SSH2: variants seen among roughly 807,000 people sequenced by gnomAD.
The protein encoded by SSH2 is slingshot protein phosphatase 2, also known as protein phosphatase Slingshot homolog 2.
In SSH2, 37 loss-of-function variants were observed where a neutral mutation model predicts 135.2. The observed-to-expected ratio is 0.27, with a 90% CI of 0.21 to 0.36. The LOEUF (loss-of-function observed/expected upper bound fraction) is 0.36, where lower values mean the gene tolerates loss of function less well. Among genes scored for constraint, SSH2 ranks in the 10% least tolerant of loss-of-function variants. SSH2 has a pLI of 1.00. For missense variants in SSH2, 1,408 were observed against 1,765.3 expected, an observed-to-expected ratio of 0.80 and a Z score of 3.63; for synonymous variants, 628 against 646.2, an observed-to-expected ratio of 0.97 and a Z score of 0.43.
intron 2 of SSH2, among the ~76,000 whole-genome samples, chr17:29,832,754 TC>T (rs538669389): frequency 7.5e-4 from 114 of 152,144 alleles, no homozygotes; most frequent in Non-Finnish European, 1.3e-3. Context: ...CACTGCAACT[TC>T]CCCCAGGTTC....
intron 3 of SSH2, among the ~76,000 whole-genome samples, chr17:29,759,093 A>G (rs1018649140): frequency 6.6e-6 from 1 of 152,050 alleles, no homozygotes; most frequent in Non-Finnish European, 1.5e-5. Flanking sequence ...TCTGTCACCC[A>G]GGCTGGAGTG....
intron 12 of SSH2, among the ~76,000 whole-genome samples, chr17:29,654,773 A>T: frequency 6.6e-6 from 1 of 152,190 alleles, no homozygotes; most frequent in East Asian, 1.9e-4. Flanking sequence ...TCTTAATATA[A>T]GATAGGTCCT....
chr17:29,649,473 C>T (rs2036509420), intron 13 of SSH2, among the ~76,000 whole-genome samples: 2 of 152,038 alleles, frequency 1.3e-5, no homozygotes, highest in African/African-American at 4.8e-5. Flanking sequence ...GCCTCAACCT[C>T]ATGGGCTCAA....
At chr17:29,648,474 T>G in intron 13 of SSH2, 130 bp from the exon 14 acceptor site, 2 of 696,560 alleles carry the variant, frequency 2.9e-6, no homozygotes, top group Non-Finnish European at 4.7e-6. Flanking sequence ...TCTCTCCACT[T>G]TGGTACACTC....
At chr17:29,642,727 C>T (rs973225866) in intron 14 of SSH2, among the ~76,000 whole-genome samples, 3 of 152,172 alleles carry the variant, frequency 2.0e-5, no homozygotes, top group African/African-American at 7.2e-5. Flanking sequence ...TAATGATATA[C>T]TGGGAGGTGC....
At chr17:29,817,621 CAG>C (rs1409858332) in intron 2 of SSH2, among the ~76,000 whole-genome samples, 3 of 152,156 alleles carry the variant, frequency 2.0e-5, no homozygotes, top group African/African-American at 7.2e-5. Context: ...ATTAGTAATA[CAG>C]AGTCATCCCT....
At chr17:29,914,263 C>T (rs1281027834) in intron 1 of SSH2, among the ~76,000 whole-genome samples, 2 of 152,086 alleles carry the variant, frequency 1.3e-5, no homozygotes, top group Admixed American at 1.3e-4. Flanking sequence ...ATCTCGACTG[C>T]CAAAAGACTA....
intron 11 of SSH2, among the ~76,000 whole-genome samples, chr17:29,665,771 A>C: frequency 6.6e-6 from 1 of 152,354 alleles, no homozygotes; most frequent in Non-Finnish European, 1.5e-5. Context: ...AGAAAAATAG[A>C]CTTTAGAAGC....
intron 3 of SSH2, among the ~76,000 whole-genome samples, chr17:29,746,640 T>TAACATTAAGAGA (rs1257742256): frequency 6.6e-6 from 1 of 151,332 alleles, no homozygotes; most frequent in Non-Finnish European, 1.5e-5. Context: ...CTGTGTATAT[T>TAACATTAAGAGA]AACATTAAGA....
At chr17:29,889,550 GAAC>G (rs1371178797) in intron 1 of SSH2, among the ~76,000 whole-genome samples, 2 of 151,842 alleles carry the variant, frequency 1.3e-5, no homozygotes, top group African/African-American at 2.4e-5. Context: ...CCAAAAGCAT[GAAC>G]AACAACAACA....
At chr17:29,883,406 C>T (rs1235765320) in intron 1 of SSH2, among the ~76,000 whole-genome samples, 2 of 152,086 alleles carry the variant, frequency 1.3e-5, no homozygotes, top group Non-Finnish European at 2.9e-5. Context: ...ACACATTATC[C>T]TATCGTGTTT....
chr17:29,666,419 A>T (rs1186997938), intron 11 of SSH2, among the ~76,000 whole-genome samples: 1 of 152,098 alleles, frequency 6.6e-6, no homozygotes, highest in Non-Finnish European at 1.5e-5. Context: ...ATGGTGGCTC[A>T]TGCTTATAAT....
intron 1 of SSH2, among the ~76,000 whole-genome samples, chr17:29,870,579 T>C (rs1184274244): frequency 6.6e-6 from 1 of 152,216 alleles, no homozygotes; most frequent in Non-Finnish European, 1.5e-5. Flanking sequence ...TTTAGCCTTT[T>C]AGCAGTAAGC....
At chr17:29,662,428 C>T (rs2037087650) in intron 11 of SSH2, among the ~76,000 whole-genome samples, 1 of 152,222 alleles carries the variant, frequency 6.6e-6, no homozygotes, top group Non-Finnish European at 1.5e-5. Flanking sequence ...AGCCTCAATA[C>T]TGTAAGTCAC....
intron 4 of SSH2, among the ~76,000 whole-genome samples, chr17:29,700,546 C>T (rs2038934084): frequency 6.6e-6 from 1 of 152,132 alleles, no homozygotes; most frequent in African/African-American, 2.4e-5. Flanking sequence ...ATACTCATTC[C>T]TATGTGAACA....
chr17:29,652,715 A>G (rs1321303854), intron 12 of SSH2, among the ~76,000 whole-genome samples: 1 of 152,188 alleles, frequency 6.6e-6, no homozygotes, highest in East Asian at 1.9e-4. Context: ...CTGGAGTGCA[A>G]TGGCACGATC....
intron 3 of SSH2, among the ~76,000 whole-genome samples, chr17:29,788,191 A>G (rs1417009353): frequency 6.6e-6 from 1 of 152,180 alleles, no homozygotes; most frequent in Non-Finnish European, 1.5e-5. Context: ...TTGGTTAAAT[A>G]TTATTCTCGG....
chr17:29,773,219 G>T (rs1421698050), intron 3 of SSH2, among the ~76,000 whole-genome samples: 1 of 151,872 alleles, frequency 6.6e-6, no homozygotes, highest in African/African-American at 2.4e-5. Context: ...CTGCACACTT[G>T]GAATCCTACC....
At chr17:29,633,358 G>C (rs150785600) in intron 15 of SSH2, among the ~76,000 whole-genome samples, 13 of 152,276 alleles carry the variant, frequency 8.5e-5, no homozygotes, top group African/African-American at 3.1e-4. Context: ...CCTATCTGAG[G>C]GAAAGAGTTC....
Sources: allele counts gnomAD v4.1 joint callset (sites outside exome capture counted in the v4.1 genomes callset), GRCh38; gene constraint gnomAD v4.1.1; transcripts MANE v1.5; gene names NCBI Gene and HGNC (gene_info 2026-07-23, HGNC 2026-07-21).